PPP2R2C: variants seen among roughly 807,000 people sequenced by gnomAD.
The protein encoded by PPP2R2C is protein phosphatase 2, regulatory subunit B, gamma.
Under a neutral mutation model 45.3 loss-of-function variants are expected in PPP2R2C, and 10 were observed. That is an observed-to-expected ratio of 0.22 (90% CI 0.14 to 0.37). The LOEUF is 0.37. PPP2R2C is among the 10% of genes least tolerant of loss of function. PPP2R2C has a pLI of 1.00. For synonymous variants in PPP2R2C, 257 were observed against 245.4 expected, an observed-to-expected ratio of 1.05 and a Z score of -0.44; for missense variants, 308 against 619.7, an observed-to-expected ratio of 0.50 and a Z score of 5.34.
chr4:6,463,708 T>C lies in PPP2R2C; in HGVS notation c.70+8452A>G, dbSNP rs112978070. 6.0e-3 allele frequency among the ~76,000 whole-genome samples: 916 copies of C among 152,350 alleles called. 9 individuals are homozygous for C. The highest frequency in any genetic ancestry group is 0.021 in the African/African-American group (859 of 41,594). ...CACACACCGTTCCTCCTGCCCAGAA[T>C]GCGCTAGAATACCATGTCCCAGCAC... On this transcript the variant is annotated intron_variant, in intron 1 of 8. Transcript: ENST00000382599.
At chr4:6,510,773 A>G (rs564663899) in intron 2 of PPP2R2C, among the ~76,000 whole-genome samples, 2 of 152,222 alleles carry the variant, frequency 1.3e-5, no homozygotes, top group African/African-American at 4.8e-5. Flanking sequence ...GTCAGGAGAT[A>G]GAGACCATCC....
At chr4:6,556,415 A>G (rs918086907) in intron 1 of PPP2R2C, among the ~76,000 whole-genome samples, 7 of 152,110 alleles carry the variant, frequency 4.6e-5, no homozygotes, top group African/African-American at 1.7e-4. Flanking sequence ...CCTGGTTCTC[A>G]AACCTTCAAA....
chr4:6,384,348 G>C (rs1399217271), intron 1 of PPP2R2C: 2 of 985,364 alleles, frequency 2.0e-6, no homozygotes, highest in Non-Finnish European at 2.4e-6. Context: ...AAAGAAACTG[G>C]GCAGTGGGGA....
At chr4:6,417,157 C>T (rs756470618) in intron 1 of PPP2R2C, among the ~76,000 whole-genome samples, 20 of 152,174 alleles carry the variant, frequency 1.3e-4, no homozygotes, top group Non-Finnish European at 2.8e-4. Flanking sequence ...TCCACGGGTC[C>T]AGCCCCTGGG....
At chr4:6,348,836 C>G (rs1352469866) in intron 5 of PPP2R2C, 2 of 636,930 alleles carry the variant, frequency 3.1e-6, no homozygotes, top group Non-Finnish European at 3.9e-6. Context: ...TGAAGCCATT[C>G]CCCCCAGACT....
intron 5 of PPP2R2C, chr4:6,350,044 C>CCA: frequency 1.0e-6 from 1 of 985,370 alleles, no homozygotes; most frequent in Non-Finnish European, 1.2e-6. Context: ...ACGTCATTAA[C>CCA]CACAAACTGA....
intron 1 of PPP2R2C, among the ~76,000 whole-genome samples, chr4:6,467,715 G>A (rs1049813221): frequency 2.6e-5 from 4 of 152,160 alleles, no homozygotes; most frequent in Non-Finnish European, 4.4e-5. Flanking sequence ...TGCAAGTAAC[G>A]GAGACTTGAA....
chr4:6,425,173 C>T (rs1210879786), intron 1 of PPP2R2C, among the ~76,000 whole-genome samples: 1 of 152,184 alleles, frequency 6.6e-6, no homozygotes, highest in Non-Finnish European at 1.5e-5. Flanking sequence ...TGTGGTGTCC[C>T]CACAACAGCC....
intron 1 of PPP2R2C, among the ~76,000 whole-genome samples, chr4:6,561,348 A>T (rs1014900448): frequency 6.6e-6 from 1 of 152,152 alleles, no homozygotes. Context: ...AGGCGGAGAG[A>T]GAGTGCAGGA....
intron 5 of PPP2R2C, among the ~76,000 whole-genome samples, chr4:6,352,285 A>AT (rs1712638204): frequency 6.6e-6 from 1 of 152,124 alleles, no homozygotes. Context: ...CATCATTTCC[A>AT]TTCTGCAAGC....
chr4:6,472,371 G>A lies in PPP2R2C; in HGVS notation c.-142C>T. 9.1e-7 allele frequency: 1 copy of A among 1,099,056 alleles called. No individual in the cohort carries two copies. The highest frequency in any genetic ancestry group is 1.1e-6 in the Non-Finnish European group (1 of 902,964). The allele number at this position is 1,099,056 out of a possible 1,614,324, so 68.1% of individuals were successfully genotyped here. Reference sequence around the variant, plus strand: ...CGGGGCCCCGAAGGGAGGGCATCGCGGCAGGGGGACGGGCGGGGGCGGCCG... The same window carrying A: ...CGGGGCCCCGAAGGGAGGGCATCGCAGCAGGGGGACGGGCGGGGGCGGCCG... On this transcript the variant is annotated 5_prime_UTR_variant, in exon 1 of 9. Transcript: ENST00000382599.
rs1731606400 is a variant in PPP2R2C, at chr4:6,322,401, T to G, written c.*901A>C. ...AGTTGGTGTTTATGGAGGAAATGAA[T>G]GAACACCCACCTCACAGTCAGGAGG... On this transcript the variant is annotated 3_prime_UTR_variant, in exon 9 of 9. Transcript: ENST00000382599. The surrounding 1 kb of genome is among the most constrained non-coding windows in gnomAD (Gnocchi z 7.8). 1 of 152,204 alleles carries G rather than the reference T, an allele frequency of 6.6e-6. No individual in the cohort carries two copies. The highest frequency in any genetic ancestry group is 2.4e-5 in the African/African-American group (1 of 41,436). The allele number at this position is 152,204 out of a possible 1,614,324, so 9.4% of individuals were successfully genotyped here.
intron 2 of PPP2R2C, 65 bp downstream of exon 2, chr4:6,380,932 G>C: frequency 7.4e-7 from 1 of 1,357,564 alleles, no homozygotes; most frequent in Non-Finnish European, 9.8e-7. Flanking sequence ...CTCCCACCAT[G>C]CCCGCCTCCC....
chr4:6,334,750 C>G (rs1276987702), intron 6 of PPP2R2C, among the ~76,000 whole-genome samples: 3 of 152,200 alleles, frequency 2.0e-5, no homozygotes, highest in African/African-American at 7.2e-5. Flanking sequence ...ACAACCTGTC[C>G]AGCTGTCCCC....
intron 1 of PPP2R2C, among the ~76,000 whole-genome samples, chr4:6,397,761 T>C (rs553367015): frequency 6.6e-6 from 1 of 152,328 alleles, no homozygotes; most frequent in South Asian, 2.1e-4. Flanking sequence ...GGCTTAATAT[T>C]CACACCTGCT....
chr4:6,540,044 G>T (rs750031683), intron 1 of PPP2R2C, among the ~76,000 whole-genome samples: 14 of 152,224 alleles, frequency 9.2e-5, no homozygotes, highest in Non-Finnish European at 1.5e-4. Flanking sequence ...TAAAGCATAT[G>T]CAGTCTTTAA....
chr4:6,536,208 A>T (rs1339467863), intron 1 of PPP2R2C, among the ~76,000 whole-genome samples: 1 of 152,230 alleles, frequency 6.6e-6, no homozygotes, highest in East Asian at 1.9e-4. Context: ...GGAAGGAAAC[A>T]TTGCTGTTTC....
Position 6,508,403 on chromosome 4 carries a change from G to C in PPP2R2C, c.49+26868C>G, listed in dbSNP as rs907145178. Among the ~76,000 whole-genome samples, 4 of 152,200 alleles carry C rather than the reference G, an allele frequency of 2.6e-5. No individual in the cohort carries two copies. In the East Asian group the frequency reaches 7.7e-4, roughly 29 times the overall value. On this transcript the variant is annotated intron_variant, in intron 2 of 9. Coordinates refer to the PPP2R2C transcript ENST00000506140. ...AGTTTGAGACCAGACTGGCCAACAT[G>C]GTGAAACCCTGTCTCTACTAAAAAT...
intron 2 of PPP2R2C, among the ~76,000 whole-genome samples, chr4:6,512,332 G>T (rs1231543829): frequency 8.3e-6 from 1 of 120,490 alleles, no homozygotes; most frequent in Non-Finnish European, 1.8e-5. Context: ...GGTAGTGGTG[G>T]TGATGGTGAT....
Sources: gnomAD v4.1 joint callset for allele counts (sites outside exome capture counted in the v4.1 genomes callset) on GRCh38, gnomAD v4.1.1 for gene constraint, Gnocchi (gnomAD v3.1) non-coding constraint, MANE v1.5 for transcripts, NCBI Gene and HGNC (gene_info 2026-07-23, HGNC 2026-07-21) for gene names.